MARCHF1: variants seen among roughly 807,000 people sequenced by gnomAD.
MARCHF1 encodes the protein membrane associated ring-CH-type finger 1.
A neutral mutation model predicts 54.2 loss-of-function variants in MARCHF1; 40 were observed. That is an observed-to-expected ratio of 0.74 (90% confidence interval 0.57 to 0.96). The LOEUF (loss-of-function observed/expected upper bound fraction) is 0.96. Among genes scored for constraint, MARCHF1 ranks in the 40% least tolerant of loss-of-function variants. The pLI, the probability that MARCHF1 is intolerant of heterozygous loss-of-function variation, is 0.00. For synonymous variants in MARCHF1, 236 were observed against 236.3 expected (o/e 1.00, Z 0.01); for missense variants, 586 against 656.5 (o/e 0.89, Z 1.17).
intron 2 of MARCHF1, among the ~76,000 whole-genome samples, chr4:164,102,985 C>G (rs1295174467): frequency 7.7e-6 from 1 of 129,778 alleles, no homozygotes; most frequent in East Asian, 2.0e-4. Flanking sequence ...ATAAAACAGA[C>G]TTTAAACCAA....
chr4:164,006,404 T>G (rs1342729735), intron 2 of MARCHF1, among the ~76,000 whole-genome samples: 1 of 151,800 alleles, frequency 6.6e-6, no homozygotes, highest in Non-Finnish European at 1.5e-5. Flanking sequence ...ACTAGCTATG[T>G]GAAAATACAC....
chr4:163,739,636 T>C (rs191038186), intron 4 of MARCHF1, among the ~76,000 whole-genome samples: 5 of 152,304 alleles, frequency 3.3e-5, no homozygotes, highest in African/African-American at 1.2e-4. Context: ...GAGATAATCA[T>C]GTGAAATTCG....
chr4:163,717,888 C>T (rs1745316847), intron 4 of MARCHF1, among the ~76,000 whole-genome samples: 1 of 152,120 alleles, frequency 6.6e-6, no homozygotes, highest in Non-Finnish European at 1.5e-5. Context: ...ATCATGCTAC[C>T]TGACTTCAAA....
At chr4:164,106,696 G>T (rs1268751911) in intron 2 of MARCHF1, among the ~76,000 whole-genome samples, 2 of 147,216 alleles carry the variant, frequency 1.4e-5, no homozygotes, top group African/African-American at 5.1e-5. Context: ...CAGCGCACCA[G>T]CATGGCACAT....
Position 163,944,430 on chromosome 4 carries a change from A to C in MARCHF1, c.-39+44071T>G, listed in dbSNP as rs1422663420. Among the ~76,000 whole-genome samples the C allele has an allele frequency of 3.9e-5, 6 of 152,204 alleles. No individual in the cohort carries two copies. The East Asian group carries it at 1.2e-3, about 29-fold the overall frequency. Reference sequence around the variant, plus strand: ...CACACCTTTTGTGGGGAAGTCCACAACCAGTGACCAAGTGAGCAAGGTAAC... The same window carrying C: ...CACACCTTTTGTGGGGAAGTCCACACCCAGTGACCAAGTGAGCAAGGTAAC... On this transcript the variant is annotated intron_variant, in intron 3 of 9. Transcript: ENST00000514618.
At chr4:164,178,305 G>A (rs1730743396) in intron 1 of MARCHF1, among the ~76,000 whole-genome samples, 1 of 152,106 alleles carries the variant, frequency 6.6e-6, no homozygotes, top group Admixed American at 6.6e-5. Context: ...GCTCAACCTT[G>A]ATACATCCAG....
intron 4 of MARCHF1, among the ~76,000 whole-genome samples, chr4:163,815,298 T>C (rs1042120364): frequency 6.6e-5 from 10 of 152,176 alleles, no homozygotes; most frequent in African/African-American, 2.4e-4. Context: ...ATGCTGCAAA[T>C]TTTTGAACAA....
At chr4:163,939,798 G>C (rs1156696457) in intron 3 of MARCHF1, among the ~76,000 whole-genome samples, 1 of 152,130 alleles carries the variant, frequency 6.6e-6, no homozygotes, top group African/African-American at 2.4e-5. Flanking sequence ...TTCAGCTGAT[G>C]TCAGCATAAC....
intron 1 of MARCHF1, among the ~76,000 whole-genome samples, chr4:164,118,097 A>G (rs973422737): frequency 5.3e-5 from 8 of 151,944 alleles, no homozygotes; most frequent in African/African-American, 1.9e-4. Context: ...AAATGCATAT[A>G]ATTGAAGTCA....
At chr4:164,278,240 G>A (rs1244035344) in intron 1 of MARCHF1, among the ~76,000 whole-genome samples, 1 of 152,120 alleles carries the variant, frequency 6.6e-6, no homozygotes, top group Non-Finnish European at 1.5e-5. Context: ...AGTCTGAGAG[G>A]TCAAGGCTGC....
intron 8 of MARCHF1, among the ~76,000 whole-genome samples, chr4:163,554,282 T>C (rs570005529): frequency 3.3e-5 from 5 of 152,212 alleles, no homozygotes; most frequent in Non-Finnish European, 4.4e-5. Flanking sequence ...CCACTAAGAA[T>C]TGTGACTCAG....
At chr4:164,230,952 C>T (rs1461499861) in intron 1 of MARCHF1, among the ~76,000 whole-genome samples, 1 of 152,008 alleles carries the variant, frequency 6.6e-6, no homozygotes, top group African/African-American at 2.4e-5. Context: ...AGCATTGCTG[C>T]CTAGAAATTC....
intron 1 of MARCHF1, among the ~76,000 whole-genome samples, chr4:164,154,738 T>C (rs565016473): frequency 6.6e-6 from 1 of 152,342 alleles, no homozygotes; most frequent in South Asian, 2.1e-4. Flanking sequence ...TTGCCATCCA[T>C]GGATGGCTTA....
At chr4:164,273,760 A>G (rs1030096463) in intron 1 of MARCHF1, among the ~76,000 whole-genome samples, 1 of 152,322 alleles carries the variant, frequency 6.6e-6, no homozygotes, top group East Asian at 1.9e-4. Context: ...CACTAGTTAG[A>G]GCAATACAAA....
chr4:164,200,672 A>C (rs1731427581), intron 1 of MARCHF1, among the ~76,000 whole-genome samples: 1 of 152,262 alleles, frequency 6.6e-6, no homozygotes, highest in South Asian at 2.1e-4. Context: ...CATTAAGTTT[A>C]TAACAGTAAA....
chr4:164,298,490 T>G (rs1257787059), intron 1 of MARCHF1, among the ~76,000 whole-genome samples: 5 of 152,096 alleles, frequency 3.3e-5, no homozygotes, highest in Non-Finnish European at 7.4e-5. Context: ...GCCCAGAACG[T>G]GGACAATTCC....
chr4:163,789,261 C>T (rs942837733), intron 4 of MARCHF1, among the ~76,000 whole-genome samples: 1 of 151,928 alleles, frequency 6.6e-6, no homozygotes, highest in Admixed American at 6.6e-5. Flanking sequence ...ACTTAAAGAT[C>T]ATTTTTGTAA....
intron 2 of MARCHF1, among the ~76,000 whole-genome samples, chr4:164,074,191 C>CTTCCCA (rs1754927197): frequency 6.6e-6 from 1 of 152,210 alleles, no homozygotes; most frequent in Non-Finnish European, 1.5e-5. Flanking sequence ...TGCCAATAAC[C>CTTCCCA]TGTAATCAGG....
In MARCHF1 at chr4:164,210,110, A is replaced by G. The variant is rs568988235; in HGVS notation, c.-322-98448T>C. Among the ~76,000 whole-genome samples the G allele has an allele frequency of 2.6e-5, 4 of 152,330 alleles. No individual in the cohort carries two copies. The East Asian group carries it at 7.7e-4, about 29-fold the overall frequency. Reference sequence around the variant, plus strand: ...TTCAGTTATAAATAAAAAAGCATTTAAACACAAACAAACATCACTCTGATT... The same window carrying G: ...TTCAGTTATAAATAAAAAAGCATTTGAACACAAACAAACATCACTCTGATT... On this transcript the variant is annotated intron_variant, in intron 1 of 9. Coordinates refer to ENST00000514618, the MANE Select transcript of MARCHF1 (RefSeq NM_001394959.1).
Sources: allele counts gnomAD v4.1 joint callset (sites outside exome capture counted in the v4.1 genomes callset), GRCh38; gene constraint gnomAD v4.1.1; transcripts MANE v1.5; gene names NCBI Gene and HGNC (gene_info 2026-07-23, HGNC 2026-07-21).